The following PDE1A variants were observed in gnomAD, a reference collection of about 807,000 sequenced individuals.
PDE1A encodes phosphodiesterase 1A, also known as dual specificity calcium/calmodulin-dependent 3',5'-cyclic nucleotide phosphodiesterase 1A.
In PDE1A, 35 loss-of-function variants were observed where a neutral mutation model predicts 61.7. The ratio of observed to expected loss-of-function variants is 0.57; its 90% CI spans 0.43 to 0.75. PDE1A has a LOEUF of 0.75. PDE1A is among the 30% of genes least tolerant of loss of function. The probability of loss-of-function intolerance (pLI) is 0.00; values close to 1 mark genes in which losing one functional copy is unlikely to be tolerated. For synonymous variants in PDE1A, 232 were observed against 213.2 expected (o/e 1.09, Z -0.77); for missense variants, 597 against 630.6 (o/e 0.95, Z 0.57).
chr2:182,370,944 G>T (rs554450032), intron 1 of PDE1A, among the ~76,000 whole-genome samples: 1 of 152,112 alleles, frequency 6.6e-6, no homozygotes, highest in Non-Finnish European at 1.5e-5. Context: ...GAAAAACTGC[G>T]AAAAGAGGCT....
the PDE1A span, among the ~76,000 whole-genome samples, chr2:182,578,632 T>C: frequency 6.6e-6 from 1 of 152,318 alleles, no homozygotes; most frequent in South Asian, 2.1e-4. Context: ...AATAAGTACA[T>C]TTATACAATA....
chr2:182,251,529 C>A (rs1691401678), intron 2 of PDE1A, among the ~76,000 whole-genome samples: 1 of 152,154 alleles, frequency 6.6e-6, no homozygotes, highest in East Asian at 1.9e-4. Flanking sequence ...TGCTGTAAGA[C>A]CTATTGAATC....
At chr2:182,541,787 A>G in the PDE1A span, among the ~76,000 whole-genome samples, 1 of 152,180 alleles carries the variant, frequency 6.6e-6, no homozygotes, top group Non-Finnish European at 1.5e-5. Context: ...AAAATTTGAA[A>G]ATGTGTTGTT....
At position 182,422,458 on chromosome 2, in the gene PDE1A, A is replaced by C. The variant is rs539783043; in HGVS notation, c.53+4120T>G. Among the ~76,000 whole-genome samples, 33 of 152,338 alleles carry C rather than the reference A, an allele frequency of 2.2e-4. 1 individual carries two copies. Among genetic ancestry groups the C allele is most frequent in the African/African-American group, 7.9e-4 (33 of 41,584 alleles). On this transcript the variant is annotated intron_variant, in intron 1 of 13. Coordinates refer to ENST00000351439, the Ensembl canonical transcript of PDE1A. ...TAATTGTAACAAAAGCCCAGGCTTA[A>C]ATGGTTTGAGGCAGTGAAATTCAGA...
chr2:182,357,878 T>C (rs985623492), intron 1 of PDE1A, among the ~76,000 whole-genome samples: 2 of 152,234 alleles, frequency 1.3e-5, no homozygotes, highest in African/African-American at 4.8e-5. Flanking sequence ...AATGGACTTT[T>C]ATCAGTAGAT....
intron 13 of PDE1A, among the ~76,000 whole-genome samples, chr2:182,150,189 TGAG>T (rs1690703398): frequency 6.6e-6 from 1 of 152,138 alleles, no homozygotes; most frequent in Non-Finnish European, 1.5e-5. Context: ...TTCCTACAAA[TGAG>T]GAGAATGATA....
At chr2:182,289,533 T>C (rs890631118) in intron 1 of PDE1A, among the ~76,000 whole-genome samples, 20 of 152,104 alleles carry the variant, frequency 1.3e-4, no homozygotes, top group Non-Finnish European at 1.5e-4. Flanking sequence ...TAATATTGTA[T>C]CTCTCCTTTA....
intron 7 of PDE1A, among the ~76,000 whole-genome samples, chr2:182,207,060 G>A (rs1027463027): frequency 9.8e-5 from 15 of 152,302 alleles, no homozygotes; most frequent in East Asian, 5.8e-4. Context: ...GGTACTGAGC[G>A]TGGGGTATTG....
intron 2 of PDE1A, among the ~76,000 whole-genome samples, chr2:182,478,647 G>A (rs1482783183): frequency 6.6e-6 from 1 of 151,914 alleles, no homozygotes. Context: ...TACCTGGACT[G>A]ATCATGTCTG....
chr2:182,183,539 C>T (rs1422154697), intron 13 of PDE1A, among the ~76,000 whole-genome samples: 4 of 152,054 alleles, frequency 2.6e-5, no homozygotes, highest in Admixed American at 1.3e-4. Context: ...GGTGAATCCA[C>T]TTAGACTAGA....
intron 1 of PDE1A, among the ~76,000 whole-genome samples, chr2:182,282,920 C>T (rs1363288771): frequency 6.6e-6 from 1 of 151,898 alleles, no homozygotes; most frequent in African/African-American, 2.4e-5. Flanking sequence ...TTTACAGAAC[C>T]TGTGCATAGC....
the PDE1A span, among the ~76,000 whole-genome samples, chr2:182,660,247 T>C: frequency 6.6e-6 from 1 of 152,134 alleles, no homozygotes; most frequent in Non-Finnish European, 1.5e-5. Context: ...ATGCAAATAT[T>C]TAGAAAAGAG....
intron 2 of PDE1A, among the ~76,000 whole-genome samples, chr2:182,496,384 T>G (rs1471419127): frequency 1.3e-5 from 2 of 152,246 alleles, no homozygotes; most frequent in Non-Finnish European, 2.9e-5. Flanking sequence ...GTTATGTATC[T>G]TTTTTATTAT....
chr2:182,704,786 A>G, the PDE1A span, among the ~76,000 whole-genome samples: 1 of 152,214 alleles, frequency 6.6e-6, no homozygotes, highest in African/African-American at 2.4e-5. Flanking sequence ...ATCACACAAC[A>G]TCACATAGTC....
chr2:182,514,144 C>T (rs1246890034), intron 2 of PDE1A, among the ~76,000 whole-genome samples: 1 of 152,066 alleles, frequency 6.6e-6, no homozygotes, highest in Non-Finnish European at 1.5e-5. Context: ...ATTTCTACAA[C>T]AAGAATTACA....
intron 2 of PDE1A, among the ~76,000 whole-genome samples, chr2:182,486,229 T>G (rs1688015100): frequency 6.6e-6 from 1 of 152,010 alleles, no homozygotes; most frequent in Non-Finnish European, 1.5e-5. Context: ...TGTAAAATTC[T>G]TAGCAATGGG....
the PDE1A span, among the ~76,000 whole-genome samples, chr2:182,704,211 G>GAAAAA: frequency 1.7e-5 from 2 of 120,194 alleles, no homozygotes; most frequent in Non-Finnish European, 3.4e-5. Context: ...ACTCCGTCTG[G>GAAAAA]AAAAAAAAAA....
chr2:182,521,056 T>C (rs182886152), intron 2 of PDE1A, among the ~76,000 whole-genome samples: 1 of 152,196 alleles, frequency 6.6e-6, no homozygotes, highest in African/African-American at 2.4e-5. Flanking sequence ...CTTTGCATTA[T>C]TGTGCTCTTA....
At chr2:182,681,412 A>G in the PDE1A span, among the ~76,000 whole-genome samples, 1 of 151,998 alleles carries the variant, frequency 6.6e-6, no homozygotes, top group Non-Finnish European at 1.5e-5. Flanking sequence ...GGCTCAAGCC[A>G]TCCTCCTGCC....
Sources: gnomAD v4.1 joint callset for allele counts (sites outside exome capture counted in the v4.1 genomes callset) on GRCh38, gnomAD v4.1.1 for gene constraint, MANE v1.5 for transcripts, NCBI Gene and HGNC (gene_info 2026-07-23, HGNC 2026-07-21) for gene names.